KRT86: variants seen among roughly 807,000 people sequenced by gnomAD.
KRT86 encodes the protein keratin, type II cuticular Hb6.
Under a neutral mutation model 41.2 loss-of-function variants are expected in KRT86, and 30 were observed. That is an observed-to-expected ratio of 0.73 (90% CI 0.54 to 0.99). The LOEUF is 0.99. Ranked by LOEUF, KRT86 falls within the 50% of genes least tolerant of loss-of-function variation. The pLI, the probability that KRT86 is intolerant of heterozygous loss-of-function variation, is 0.00. For synonymous variants in KRT86, 238 were observed against 238.1 expected, an observed-to-expected ratio of 1.00 and a Z score of 0.00; for missense variants, 561 against 571.4, an observed-to-expected ratio of 0.98 and a Z score of 0.19.
rs1306249089 is a variant in KRT86, at chr12:52,302,001, G to C, written c.85G>C (p.Ala29Pro). ...GPRPGRCCIT[A>P]APYRGISCYR... The stretch of plus-strand genomic sequence containing the variant: ...CCGGCCCGGCCGCTGCTGCATCACC[G>C]CCGCCCCCTACCGTGGCATCTCCTG... Residue 29 changes from alanine (A) to proline (P), a missense_variant, in exon 3 of 11, where the codon GCC (alanine) becomes CCC (proline). Ala to Pro is a conservative substitution (Grantham distance 27). Transcript: ENST00000423955. 3 of 1,612,382 alleles carry C rather than the reference G, an allele frequency of 1.9e-6. No individual in the cohort carries two copies. The highest frequency in any genetic ancestry group is 2.2e-5 in the East Asian group (1 of 44,856).
intron 2 of KRT86, chr12:52,291,380 G>A (rs765794740): frequency 1.1e-5 from 18 of 1,605,592 alleles, no homozygotes; most frequent in Admixed American, 8.5e-5. Context: ...GTAGGGGGCG[G>A]CGGTGATGCA....
At chr12:52,295,542 G>C (rs1938229595) in intron 2 of KRT86, among the ~76,000 whole-genome samples, 1 of 152,182 alleles carries the variant, frequency 6.6e-6, no homozygotes, top group Non-Finnish European at 1.5e-5. Flanking sequence ...CATGCCCTCT[G>C]CAGGGCCCTG....
At chr12:52,307,268 G>A (rs1938540496) in intron 9 of KRT86, among the ~76,000 whole-genome samples, 1 of 152,208 alleles carries the variant, frequency 6.6e-6, no homozygotes, top group Admixed American at 6.5e-5. Flanking sequence ...TTTCATAAGT[G>A]AAGAATTCTG....
chr12:52,295,214 A>G (rs1223955944), intron 2 of KRT86, among the ~76,000 whole-genome samples: 3 of 152,122 alleles, frequency 2.0e-5, no homozygotes, highest in Non-Finnish European at 2.9e-5. Flanking sequence ...AAATCTTTTG[A>G]TGTTCATCTT....
intron 2 of KRT86, among the ~76,000 whole-genome samples, chr12:52,278,306 T>C (rs1937685069): frequency 6.6e-6 from 1 of 152,208 alleles, no homozygotes; most frequent in Non-Finnish European, 1.5e-5. Context: ...TCAGAGAGGT[T>C]AAGTGACAGC....
intron 3 of KRT86, 51 bp downstream of exon 3, chr12:52,302,336 A>C: frequency 2.0e-6 from 1 of 498,722 alleles, no homozygotes; most frequent in Non-Finnish European, 3.3e-6. Flanking sequence ...CTACACAGCC[A>C]GGGCCGGGCA....
rs747291474 is a variant in KRT86, at chr12:52,287,709, T to C, written c.-5+11763T>C. On this transcript the variant is annotated intron_variant, in intron 2 of 10. Transcript: ENST00000423955. ...TCCCCGTGCCTGATCACCGTGGCCT[T>C]CATCTCCTCACACTGGGGGAAGTAG... 9.9e-6 allele frequency: 16 copies of C among 1,614,046 alleles called. No individual in the cohort carries two copies. The South Asian group carries it at 1.8e-4, about 18-fold the overall frequency.
intron 9 of KRT86, among the ~76,000 whole-genome samples, chr12:52,307,420 T>A (rs115714518): frequency 0.015 from 2,214 of 152,314 alleles, 63 homozygotes; most frequent in African/African-American, 0.051. Flanking sequence ...CTAGGGAACC[T>A]GGGCATGGAA....
intron 3 of KRT86, 49 bp downstream of exon 3, chr12:52,302,334 C>T: frequency 6.0e-6 from 3 of 502,814 alleles, no homozygotes; most frequent in Admixed American, 4.6e-5. Flanking sequence ...ACCTACACAG[C>T]CAGGGCCGGG....
Position 52,305,786 on chromosome 12 carries a change from C to T in KRT86, c.1024C>T (p.Gln342Ter), listed in dbSNP as rs771471186. The T allele has an allele frequency of 1.2e-6, 2 of 1,613,994 alleles. No homozygotes were observed. ...GGCTGAGGTGGAGAATGCCAAGTGCCAGGTATGGGGCATCTGTGCCCAAGG... is the reference window on the plus strand; with the variant it reads ...GGCTGAGGTGGAGAATGCCAAGTGCTAGGTATGGGGCATCTGTGCCCAAGG... Reference protein sequence around the residue: ...LTAEVENAKCQNSKLEAAVAQ... With the variant: ...LTAEVENAKC Residue 342 changes from glutamine (Q) to a stop codon, truncating the protein, a stop_gained and splice_region_variant, in exon 8 of 11, where the codon CAG becomes TAG. Transcript: ENST00000423955. LOFTEE classifies it high-confidence loss of function.
chr12:52,301,728 G>C, intron 2 of KRT86, 185 bp from the exon 3 acceptor site: 1 of 1,091,912 alleles, frequency 9.2e-7, no homozygotes, highest in Middle Eastern at 2.9e-4. Context: ...ATTAAGTGGG[G>C]AGCGACAGCA....
At position 52,302,841 on chromosome 12, in the gene KRT86, TGG is replaced by T. The variant is rs71092757; in HGVS notation, c.370-250_370-249del. Among the ~76,000 whole-genome samples the T allele has an allele frequency of 0.075, 9,522 of 126,730 alleles. 249 individuals are homozygous for T. Among genetic ancestry groups the T allele is most frequent in the Middle Eastern group, 0.15 (36 of 238 alleles). 83.1% of individuals were successfully genotyped at this position (126,730 alleles called of 152,430 possible). ...TCTGTTCATCTGCTTGGGTGGGGGG[TGG>T]GGGGGGGGTCACTCAACTCCCCAGG... On this transcript the variant is annotated intron_variant, in intron 3 of 10. Coordinates refer to ENST00000423955, the MANE Select transcript of KRT86 (RefSeq NM_001320198.2).
chr12:52,301,135 TTG>T (rs1938362559), intron 2 of KRT86, among the ~76,000 whole-genome samples: 2 of 151,234 alleles, frequency 1.3e-5, no homozygotes, highest in East Asian at 1.9e-4. Flanking sequence ...TGTGAAAGCA[TTG>T]TGTGTGTGAG....
At chr12:52,279,802 C>T (rs1937731053) in intron 2 of KRT86, among the ~76,000 whole-genome samples, 1 of 152,182 alleles carries the variant, frequency 6.6e-6, no homozygotes, top group African/African-American at 2.4e-5. Context: ...GGGCCCATAG[C>T]TTCTGGGCAG....
intron 2 of KRT86, among the ~76,000 whole-genome samples, chr12:52,284,528 A>C (rs1326624999): frequency 6.6e-6 from 1 of 152,176 alleles, no homozygotes; most frequent in Non-Finnish European, 1.5e-5. Flanking sequence ...CACAGCATAC[A>C]GGGCTGGTTG....
At chr12:52,294,716 C>T (rs1367963766) in intron 2 of KRT86, among the ~76,000 whole-genome samples, 1 of 152,146 alleles carries the variant, frequency 6.6e-6, no homozygotes, top group Non-Finnish European at 1.5e-5. Flanking sequence ...TCCTATGTAC[C>T]TTGTTCTGAT....
chr12:52,293,556 T>C (rs1157649427), intron 2 of KRT86, among the ~76,000 whole-genome samples: 2 of 152,118 alleles, frequency 1.3e-5, no homozygotes, highest in Non-Finnish European at 2.9e-5. Context: ...GTTAGAACCA[T>C]GAGGGGTCAT....
intron 2 of KRT86, among the ~76,000 whole-genome samples, chr12:52,276,565 C>T (rs1278188583): frequency 2.8e-5 from 4 of 142,166 alleles, no homozygotes; most frequent in African/African-American, 5.0e-5. Context: ...GAGTCAATGT[C>T]GCCAGAGAAA....
chr12:52,301,926 G>A lies in KRT86; in HGVS notation c.10G>A (p.Gly4Arg), dbSNP rs751348438. The change falls in exon 3 of 11, where the codon GGA becomes AGA. Residue 4 changes from glycine to arginine, a missense_variant. Gly to Arg is a moderately radical substitution (Grantham distance 125). Transcript: ENST00000423955. MTC[G>R]SYCGGRAFSC... is the part of the protein sequence containing the mutation. ...TTCCCCAAAAAGCACCATGACTTGT[G>A]GATCTTACTGTGGTGGCCGCGCCTT... 2 of 1,613,836 alleles carry A rather than the reference G, an allele frequency of 1.2e-6. No homozygotes were observed. Among genetic ancestry groups the A allele is most frequent in the South Asian group, 2.2e-5 (2 of 91,088 alleles).
Sources: allele counts gnomAD v4.1 joint callset (sites outside exome capture counted in the v4.1 genomes callset), GRCh38; gene constraint gnomAD v4.1.1; transcripts MANE v1.5; gene names NCBI Gene and HGNC (gene_info 2026-07-23, HGNC 2026-07-21).